The following FARS2 variants were observed in gnomAD, a reference collection of about 807,000 sequenced individuals.
FARS2 encodes phenylalanyl-tRNA synthetase 2, mitochondrial, also known as phenylalanine--tRNA ligase, mitochondrial.
In FARS2, 40 loss-of-function variants were observed where a neutral mutation model predicts 46.4. The ratio of observed to expected loss-of-function variants is 0.86; its 90% CI spans 0.67 to 1.12. The LOEUF (loss-of-function observed/expected upper bound fraction) is 1.12, where lower values mean the gene tolerates loss of function less well. FARS2 is among the 50% of genes most tolerant of loss of function. The pLI is 0.00. For synonymous variants in FARS2, 234 were observed against 214.9 expected (o/e 1.09, Z -0.78); for missense variants, 513 against 567.9 (o/e 0.90, Z 0.98).
intron 6 of FARS2, among the ~76,000 whole-genome samples, chr6:5,637,507 C>A (rs12525101): frequency 0.2 from 30,177 of 152,142 alleles, 3,806 homozygotes; most frequent in Admixed American, 0.31. Flanking sequence ...ACAGCATCGC[C>A]CTCAGCAGTC....
intron 3 of FARS2, among the ~76,000 whole-genome samples, chr6:5,412,327 A>G (rs1377977611): frequency 6.6e-6 from 1 of 152,232 alleles, no homozygotes; most frequent in Non-Finnish European, 1.5e-5. Flanking sequence ...GGCCATTCTG[A>G]TGGGCTGTCT....
rs539757507 is a variant in FARS2 at position 5,529,472 on chromosome 6, T to A, written c.905-15708T>A. On this transcript the variant is annotated intron_variant, in intron 4 of 6. Coordinates refer to ENST00000274680, the MANE Select transcript of FARS2 (RefSeq NM_006567.5). ...ACAGGCGCCTGCCACCACACCCAGC[T>A]AATTTTTGTATTTTTAGTAGAGACG... Among the ~76,000 whole-genome samples the A allele has an allele frequency of 5.3e-5, 8 of 152,216 alleles. No individual in the cohort carries two copies. The South Asian group carries it at 1.7e-3, about 32-fold the overall frequency.
intron 1 of FARS2, among the ~76,000 whole-genome samples, chr6:5,356,578 T>A (rs1757945880): frequency 6.6e-6 from 1 of 152,138 alleles, no homozygotes; most frequent in Admixed American, 6.5e-5. Context: ...ACATGTATGT[T>A]AAGAGCTTCA....
At chr6:5,377,267 T>C (rs1759441169) in intron 2 of FARS2, among the ~76,000 whole-genome samples, 1 of 152,224 alleles carries the variant, frequency 6.6e-6, no homozygotes, top group South Asian at 2.1e-4. Context: ...CTTGTCGTGT[T>C]TCACCAGATG....
intron 6 of FARS2, among the ~76,000 whole-genome samples, chr6:5,733,577 C>T (rs187778696): frequency 1.6e-4 from 24 of 152,328 alleles, no homozygotes; most frequent in East Asian, 1.2e-3. Context: ...CTCTCCACTG[C>T]CTTGCCCTAA....
intron 6 of FARS2, among the ~76,000 whole-genome samples, chr6:5,618,409 G>C (rs1318886384): frequency 1.3e-5 from 2 of 152,178 alleles, no homozygotes; most frequent in East Asian, 3.8e-4. Context: ...AATATAGCCT[G>C]ATAGTGCAAA....
chr6:5,731,901 G>C (rs1760648271), intron 6 of FARS2, among the ~76,000 whole-genome samples: 1 of 152,268 alleles, frequency 6.6e-6, no homozygotes, highest in South Asian at 2.1e-4. Context: ...CATCTGGGCT[G>C]TATGGGCCTG....
chr6:5,329,130 T>TA lies in FARS2; in HGVS notation c.-21-39408dup, dbSNP rs1003696606. ...TCTCTGCTTAGTGTTGTTTCTATATTAAAAAAAAAAAAGAAACTGTGGCTA... is the reference window on the plus strand; with the variant it reads ...TCTCTGCTTAGTGTTGTTTCTATATTAAAAAAAAAAAAAGAAACTGTGGCTA... On this transcript the variant is annotated intron_variant, in intron 1 of 6. Transcript: ENST00000274680. 8.2e-4 allele frequency among the ~76,000 whole-genome samples: 122 copies of TA among 149,606 alleles called. 1 individual carries two copies. In the Middle Eastern group the frequency reaches 0.01, roughly 13 times the overall value.
At chr6:5,453,127 C>T (rs937422715) in intron 4 of FARS2, among the ~76,000 whole-genome samples, 4 of 152,106 alleles carry the variant, frequency 2.6e-5, no homozygotes, top group African/African-American at 7.2e-5. Flanking sequence ...AAGCATCCTT[C>T]GCTTAACTAT....
intron 6 of FARS2, among the ~76,000 whole-genome samples, chr6:5,768,618 C>A (rs1762867866): frequency 6.6e-6 from 1 of 152,196 alleles, no homozygotes; most frequent in Non-Finnish European, 1.5e-5. Context: ...GCCCTGATTT[C>A]TCCATATCTT....
intron 6 of FARS2, among the ~76,000 whole-genome samples, chr6:5,657,424 A>G (rs1983563): frequency 0.72 from 109,583 of 152,098 alleles, 39,808 homozygotes; most frequent in South Asian, 0.84. Context: ...ATAGGAAATG[A>G]CATGGAAGAT....
intron 5 of FARS2, among the ~76,000 whole-genome samples, chr6:5,600,542 C>T (rs1774449275): frequency 6.6e-6 from 1 of 151,980 alleles, no homozygotes; most frequent in Non-Finnish European, 1.5e-5. Context: ...ATTTGATAAG[C>T]AGTTTTTATT....
chr6:5,687,882 G>C (rs2150851948), intron 6 of FARS2, among the ~76,000 whole-genome samples: 1 of 152,278 alleles, frequency 6.6e-6, no homozygotes, highest in East Asian at 1.9e-4. Flanking sequence ...TCTTTGAGCA[G>C]TGGTTTGTAG....
At chr6:5,463,816 C>T (rs1184305329) in intron 4 of FARS2, among the ~76,000 whole-genome samples, 2 of 152,198 alleles carry the variant, frequency 1.3e-5, no homozygotes, top group African/African-American at 2.4e-5. Flanking sequence ...CATGTTTCAA[C>T]CCTGCATTTC....
chr6:5,522,086 G>A (rs1328968620), intron 4 of FARS2, among the ~76,000 whole-genome samples: 1 of 152,226 alleles, frequency 6.6e-6, no homozygotes, highest in African/African-American at 2.4e-5. Context: ...TGTGCTAACA[G>A]ATAAACCCCT....
chr6:5,558,228 C>G (rs534292293), intron 5 of FARS2, among the ~76,000 whole-genome samples: 2 of 152,260 alleles, frequency 1.3e-5, no homozygotes, highest in Non-Finnish European at 2.9e-5. Flanking sequence ...GAGGCTCATT[C>G]TGCTCCTTTA....
intron 4 of FARS2, among the ~76,000 whole-genome samples, chr6:5,527,218 T>C (rs542181164): frequency 6.6e-6 from 1 of 152,246 alleles, no homozygotes; most frequent in Non-Finnish European, 1.5e-5. Context: ...GTAAGTCTAT[T>C]TTGTGAGTGG....
At chr6:5,607,271 A>C (rs1774888747) in intron 5 of FARS2, among the ~76,000 whole-genome samples, 1 of 149,692 alleles carries the variant, frequency 6.7e-6, no homozygotes, top group African/African-American at 2.5e-5. Context: ...ACAATTTATT[A>C]AAGAATAATA....
chr6:5,260,835 A>C, upstream of FARS2: 1 of 1,509,290 alleles, frequency 6.6e-7, no homozygotes, highest in Non-Finnish European at 8.8e-7. Context: ...ACGAAATAAA[A>C]TGCTGCGGCT....
Sources: gnomAD v4.1 joint callset for allele counts (sites outside exome capture counted in the v4.1 genomes callset) on GRCh38, gnomAD v4.1.1 for gene constraint, MANE v1.5 for transcripts, NCBI Gene and HGNC (gene_info 2026-07-23, HGNC 2026-07-21) for gene names.